NLRP1: variants seen among roughly 807,000 people sequenced by gnomAD.
NLRP1 encodes NLR family pyrin domain containing 1.
In NLRP1, 94 loss-of-function variants were observed where a neutral mutation model predicts 136.7. The ratio of observed to expected loss-of-function variants is 0.69; its 90% CI spans 0.58 to 0.82. The LOEUF is 0.82. Among genes scored for constraint, NLRP1 ranks in the 40% least tolerant of loss-of-function variants. NLRP1 has a pLI of 0.00. For missense variants in NLRP1, 1,575 were observed against 1,802.7 expected (o/e 0.87, Z 2.29); for synonymous variants, 690 against 725.1 (o/e 0.95, Z 0.78).
At chr17:5,570,296 T>C (rs1247203836) in intron 3 of NLRP1, among the ~76,000 whole-genome samples, 1 of 150,704 alleles carries the variant, frequency 6.6e-6, no homozygotes, top group Non-Finnish European at 1.5e-5. Context: ...GAAAAAACCA[T>C]ACAAAAGATC....
In NLRP1 at chr17:5,516,989, A is replaced by G. The variant is rs149753409; in HGVS notation, c.4057+757T>C. On this transcript the variant is annotated intron_variant, in intron 15 of 16. Coordinates refer to ENST00000572272, the MANE Select transcript of NLRP1 (RefSeq NM_033004.4). Reference sequence around the variant, plus strand: ...AAATTTTCTCTATCCCAGAAAATTTATTATTTGATTTCCTCTTGCCTACCT... The same window carrying G: ...AAATTTTCTCTATCCCAGAAAATTTGTTATTTGATTTCCTCTTGCCTACCT... Among the ~76,000 whole-genome samples, 491 of 152,318 alleles carry G rather than the reference A, an allele frequency of 3.2e-3. 1 individual carries two copies. Among genetic ancestry groups the G allele is most frequent in the African/African-American group, 0.011 (458 of 41,578 alleles).
At chr17:5,560,391 G>A (rs1240681072) in intron 3 of NLRP1, among the ~76,000 whole-genome samples, 2 of 152,198 alleles carry the variant, frequency 1.3e-5, no homozygotes, top group African/African-American at 2.4e-5. Context: ...TAGCCCCTAT[G>A]AGCCTCAGTT....
chr17:5,583,553 TGA>T lies in NLRP1; in HGVS notation c.271+132_271+133del. 1.1e-6 allele frequency: 1 copy of T among 949,942 alleles called. No homozygotes were observed. Among genetic ancestry groups the T allele is most frequent in the Non-Finnish European group, 1.5e-6 (1 of 652,468 alleles). 58.8% of individuals were successfully genotyped at this position (949,942 alleles called of 1,614,324 possible). A position where few individuals can be genotyped will look rare whatever the true frequency, so the allele number is the denominator to read the frequency against. On this transcript the variant is annotated intron_variant, in intron 1 of 16. Transcript: ENST00000572272. This position sits in a 1 kb window ranked among gnomAD's most constrained non-coding sequence, Gnocchi z 4.5. ...ATAGTCTGGGGCCTGGATCCCCCTT[TGA>T]GAGGGCAGTTCCATGTCACTGCTCA... is the stretch of plus-strand genomic sequence containing the variant.
chr17:5,520,088 C>T (rs963670589), intron 14 of NLRP1, among the ~76,000 whole-genome samples: 4 of 151,454 alleles, frequency 2.6e-5, no homozygotes, highest in African/African-American at 9.7e-5. Flanking sequence ...AACTCCTGAC[C>T]TCAAGTGATC....
At chr17:5,510,835 A>G (rs530518246), downstream of NLRP1, among the ~76,000 whole-genome samples, 4 of 152,142 alleles carry the variant, frequency 2.6e-5, no homozygotes, top group East Asian at 5.8e-4. Context: ...TCTCCTTGCC[A>G]CTAGAATATA....
At chr17:5,511,493 C>T (rs59399529), downstream of NLRP1, among the ~76,000 whole-genome samples, 1 of 151,538 alleles carries the variant, frequency 6.6e-6, no homozygotes, top group Admixed American at 6.6e-5. Flanking sequence ...GTGTCTCCCC[C>T]ATCCCCACAC....
downstream of NLRP1, among the ~76,000 whole-genome samples, chr17:5,510,429 G>A (rs952941485): frequency 4.0e-5 from 6 of 151,392 alleles, no homozygotes; most frequent in Non-Finnish European, 7.4e-5. Flanking sequence ...GCGTGATCTC[G>A]GCTCACTGCA....
intron 3 of NLRP1, among the ~76,000 whole-genome samples, chr17:5,574,665 T>G (rs1352568454): frequency 6.7e-6 from 1 of 149,058 alleles, no homozygotes; most frequent in East Asian, 1.9e-4. Context: ...ACATTCTTTT[T>G]TTTTTTTTTT....
chr17:5,508,558 C>T lies in NLRP1; in HGVS notation c.4070-6686G>A, dbSNP rs115639107. ...GTGATCTAAAGGATAACGAAAAGCT[C>T]TCTGCAGAAAGACGTGTATTGCAGT... is the stretch of plus-strand genomic sequence containing the variant. On this transcript the variant is annotated intron_variant, in intron 15 of 15. Coordinates refer to the NLRP1 transcript ENST00000262467. Among the ~76,000 whole-genome samples the T allele has an allele frequency of 5.5e-3, 832 of 152,318 alleles. 7 individuals are homozygous for T. Among genetic ancestry groups the T allele is most frequent in the African/African-American group, 0.019 (800 of 41,564 alleles).
chr17:5,502,006 G>A, intron 15 of NLRP1: 1 of 755,216 alleles, frequency 1.3e-6, no homozygotes, highest in Non-Finnish European at 2.3e-6. Flanking sequence ...TCCTGCAAGT[G>A]AAAGGCCCCG....
At chr17:5,562,972 G>A (rs936903921) in intron 3 of NLRP1, among the ~76,000 whole-genome samples, 1 of 152,204 alleles carries the variant, frequency 6.6e-6, no homozygotes, top group Non-Finnish European at 1.5e-5. Context: ...CAGCCTTCTA[G>A]AGTTAGAGCA....
chr17:5,523,130 T>G (rs1444770107), intron 12 of NLRP1, among the ~76,000 whole-genome samples: 1 of 151,622 alleles, frequency 6.6e-6, no homozygotes, highest in Non-Finnish European at 1.5e-5. Context: ...GGGTGAAGAG[T>G]CCAGTGAGAG....
chr17:5,540,746 C>T (rs759764320), intron 6 of NLRP1, among the ~76,000 whole-genome samples: 4 of 152,150 alleles, frequency 2.6e-5, no homozygotes, highest in African/African-American at 4.8e-5. Flanking sequence ...AGAGGATCCT[C>T]GTTGTCTCCC....
intron 12 of NLRP1, among the ~76,000 whole-genome samples, chr17:5,529,525 G>T (rs1027012733): frequency 2.6e-5 from 4 of 151,998 alleles, no homozygotes; most frequent in African/African-American, 7.2e-5. Flanking sequence ...CTGCCGCCAC[G>T]CCCGGCTAAT....
intron 12 of NLRP1, among the ~76,000 whole-genome samples, chr17:5,527,269 G>T (rs1422428099): frequency 6.6e-6 from 1 of 152,230 alleles, no homozygotes; most frequent in Non-Finnish European, 1.5e-5. Flanking sequence ...AAATTCGCAA[G>T]AAAGTCTCAT....
chr17:5,573,195 T>C (rs114193007), intron 3 of NLRP1, among the ~76,000 whole-genome samples: 2,713 of 152,320 alleles, frequency 0.018, 73 homozygotes, highest in African/African-American at 0.062. Flanking sequence ...CAGAGGGTCC[T>C]GTACCCACGG....
At chr17:5,538,020 A>G (rs962335606) in intron 7 of NLRP1, among the ~76,000 whole-genome samples, 1 of 152,050 alleles carries the variant, frequency 6.6e-6, no homozygotes, top group African/African-American at 2.4e-5. Flanking sequence ...TAGACTATTT[A>G]TTTCTGTTAT....
chr17:5,537,098 T>C lies in NLRP1; in HGVS notation c.2871-158A>G, dbSNP rs545231316. On this transcript the variant is annotated intron_variant, in intron 7 of 16. Coordinates refer to ENST00000572272, the MANE Select transcript of NLRP1 (RefSeq NM_033004.4). The surrounding 1 kb of genome is among the most constrained non-coding windows in gnomAD (Gnocchi z 4.5). The stretch of plus-strand genomic sequence containing the variant: ...TGAGGAGGAGGGTACAGTGAGGAGA[T>C]TCATTAGGGTGTGTTCTTGGGTCAA... 1.3e-5 allele frequency among the ~76,000 whole-genome samples: 2 copies of C among 152,166 alleles called. No individual in the cohort carries two copies. The highest frequency in any genetic ancestry group is 2.4e-5 in the African/African-American group (1 of 41,516).
In NLRP1 at chr17:5,541,838, G is replaced by C; in HGVS notation, c.2699+19C>G. ...CAGGCAGTTCCCTCCACCTCCCCCT[G>C]CCCACCAAGAACAATTACTGCAGTC... is the stretch of plus-strand genomic sequence containing the variant. On this transcript the variant is annotated intron_variant, in intron 6 of 16. Coordinates refer to ENST00000572272, the MANE Select transcript of NLRP1 (RefSeq NM_033004.4). The surrounding 1 kb of genome is among the most constrained non-coding windows in gnomAD (Gnocchi z 4.2). 13 of 1,609,636 alleles carry C rather than the reference G, an allele frequency of 8.1e-6. No individual in the cohort carries two copies. Among genetic ancestry groups the C allele is most frequent in the Non-Finnish European group, 1.0e-5 (12 of 1,179,236 alleles).
Sources: gnomAD v4.1 joint callset for allele counts (sites outside exome capture counted in the v4.1 genomes callset) on GRCh38, gnomAD v4.1.1 for gene constraint, Gnocchi (gnomAD v3.1) non-coding constraint, MANE v1.5 for transcripts, NCBI Gene and HGNC (gene_info 2026-07-23, HGNC 2026-07-21) for gene names.